The following PTPRN variants were observed in gnomAD, a reference collection of about 807,000 sequenced individuals.
PTPRN encodes receptor-type tyrosine-protein phosphatase-like N.
In PTPRN, 70 loss-of-function variants were observed where a neutral mutation model predicts 108.5. The ratio of observed to expected loss-of-function variants is 0.65; its 90% CI spans 0.53 to 0.79. PTPRN has a LOEUF of 0.79. Ranked by LOEUF, PTPRN falls within the 30% of genes least tolerant of loss-of-function variation. The probability of loss-of-function intolerance (pLI) is 0.00; values close to 1 mark genes in which losing one functional copy is unlikely to be tolerated. For synonymous variants in PTPRN, 496 were observed against 524.6 expected (o/e 0.95, Z 0.75); for missense variants, 1,136 against 1,295.5 (o/e 0.88, Z 1.89).
chr2:219,291,414 C>T, intron 20 of PTPRN, 56 bp downstream of exon 20: 3 of 1,569,182 alleles, frequency 1.9e-6, no homozygotes, highest in Non-Finnish European at 1.8e-6. Flanking sequence ...AGGCAATGTG[C>T]ACAGGAGACG....
rs1952167688 is a variant in PTPRN, at chr2:219,295,456, ATTC to A, written c.2509-318_2509-316del. The A allele has an allele frequency of 1.1e-5, 3 of 262,550 alleles. No individual in the cohort carries two copies. In the Admixed American group the frequency reaches 1.7e-4, roughly 15 times the overall value. The allele number at this position is 262,550 out of a possible 1,614,324, so 16.3% of individuals were successfully genotyped here. A position where few individuals can be genotyped will look rare whatever the true frequency, so the allele number is the denominator to read the frequency against. On this transcript the variant is annotated intron_variant, in intron 18 of 22. Coordinates refer to ENST00000295718, the MANE Select transcript of PTPRN (RefSeq NM_002846.4). ...ATAAACTTGGATGAAATTCTGTAGTATTCTTACTGGATTTTTTTCGTTAACCAC... is the reference window on the plus strand; with the variant it reads ...ATAAACTTGGATGAAATTCTGTAGTATTACTGGATTTTTTTCGTTAACCAC...
In PTPRN at chr2:219,302,408, A is replaced by G. The variant is rs200681535; in HGVS notation, c.723T>C (p.Pro241=). Residue 241 remains proline, a synonymous_variant, in exon 6 of 23, where the codon CCT becomes CCC. Coordinates refer to ENST00000295718, the MANE Select transcript of PTPRN (RefSeq NM_002846.4). ...TGGAGGCAGTTCTGCTGAAGAGGGC[A>G]GGGGCTTCAGCCTTGGGCAGGGGGC... ...SVGPLPKAEA[P]ALFSRTASKG... is the part of the protein sequence containing the mutation. 2.0e-5 allele frequency: 32 copies of G among 1,614,032 alleles called. No individual in the cohort carries two copies. The highest frequency in any genetic ancestry group is 2.5e-5 in the Non-Finnish European group (30 of 1,179,986).
chr2:219,309,093 G>C (rs1217877885), intron 1 of PTPRN, 125 bp downstream of exon 1: 1 of 1,490,258 alleles, frequency 6.7e-7, no homozygotes, highest in South Asian at 1.2e-5. Context: ...CATCTCGCAT[G>C]CCTCCCCCAA....
At chr2:219,309,164 G>T in intron 1 of PTPRN, 54 bp downstream of exon 1, 1 of 1,449,226 alleles carries the variant, frequency 6.9e-7, no homozygotes. Flanking sequence ...TTCGCTCCAG[G>T]CCCCAAGCTG....
rs1952275956 is a variant in PTPRN at position 219,299,098 on chromosome 2, A to G, written c.1617T>C (p.Ser539=). 1 of 1,614,240 alleles carries G rather than the reference A, an allele frequency of 6.2e-7. No homozygotes were observed. Among genetic ancestry groups the G allele is most frequent in the Non-Finnish European group, 8.5e-7 (1 of 1,180,038 alleles). ...DVTQQAGLVK[S]ELEAQTGLQI... is the part of the protein sequence containing the mutation. ...GGAGCCCTGTCTGTGCTTCCAGTTC[A>G]GACTTCACCAGCCCTGCAGGGAGGA... Residue 539 remains serine, a synonymous_variant, in exon 12 of 23, where the codon TCT becomes TCC. Coordinates refer to ENST00000295718, the MANE Select transcript of PTPRN (RefSeq NM_002846.4).
chr2:219,294,785 G>A (rs1432693512), intron 19 of PTPRN, among the ~76,000 whole-genome samples, 190 bp downstream of exon 19: 3 of 152,052 alleles, frequency 2.0e-5, no homozygotes, highest in African/African-American at 4.8e-5. Flanking sequence ...GGGTGGTGGA[G>A]GCTCGGGGAA....
Position 219,302,345 on chromosome 2 carries a change from C to T in PTPRN, c.786G>A (p.Gly262=), listed in dbSNP as rs773388693. 20 of 1,613,682 alleles carry T rather than the reference C, an allele frequency of 1.2e-5. No individual in the cohort carries two copies. Among genetic ancestry groups the T allele is most frequent in the Non-Finnish European group, 1.6e-5 (19 of 1,179,772 alleles). The change falls in exon 6 of 23, where the codon GGG becomes GGA. Residue 262 remains glycine (G), a synonymous_variant. Coordinates refer to ENST00000295718, the MANE Select transcript of PTPRN (RefSeq NM_002846.4). ...GGGCAGGTGAAGGCCCTGGAAGGTC[C>T]CCGTAGGAGTGGCCAGGGTGGTCCC... ...IFGDHPGHSY[G]DLPGPSPAQL... is the part of the protein sequence containing the mutation.
At chr2:219,303,172 G>A (rs752676664) in intron 4 of PTPRN, among the ~76,000 whole-genome samples, 6 of 152,190 alleles carry the variant, frequency 3.9e-5, no homozygotes, top group East Asian at 1.9e-4. Context: ...AACTGTGGCT[G>A]CAGCTGTCCC....
chr2:219,290,067 C>T lies in PTPRN; in HGVS notation c.*159G>A, dbSNP rs1262522552. 1.2e-5 allele frequency: 8 copies of T among 685,798 alleles called. No homozygotes were observed. Among genetic ancestry groups the T allele is most frequent in the Non-Finnish European group, 2.0e-5 (8 of 395,070 alleles). 42.5% of individuals were successfully genotyped at this position (685,798 alleles called of 1,614,324 possible). A position where few individuals can be genotyped will look rare whatever the true frequency, so the allele number is the denominator to read the frequency against. ...CCAGGCTCTGGCATGCGAGGCTGGG[C>T]AGGCGTGCCCCTTCTGGCTTTCCCT... is the stretch of plus-strand genomic sequence containing the variant. On this transcript the variant is annotated 3_prime_UTR_variant, in exon 23 of 23. Transcript: ENST00000295718. This position sits in a 1 kb window ranked among gnomAD's most constrained non-coding sequence, Gnocchi z 4.2.
At position 219,295,133 on chromosome 2, in the gene PTPRN, C is replaced by G. The variant is rs2125090495; in HGVS notation, c.2517G>C (p.Leu839=). 1.2e-6 allele frequency: 2 copies of G among 1,610,188 alleles called. No individual in the cohort carries two copies. Among genetic ancestry groups the G allele is most frequent in the South Asian group, 2.2e-5 (2 of 90,502 alleles). ...ASLYHVYEVN[L]VSEHIWCEDF... is the part of the protein sequence containing the mutation. ...CCTCGCACCAGATGTGCTCCGACAC[C>G]AGGTTCACCTGCCCGGCAGGGGCCC... Residue 839 remains leucine (L), a synonymous_variant, in exon 19 of 23, where the codon CTG becomes CTC. Transcript: ENST00000295718.
chr2:219,304,011 G>T, intron 3 of PTPRN, 180 bp from the exon 4 acceptor site: 1 of 469,180 alleles, frequency 2.1e-6, no homozygotes, highest in Non-Finnish European at 3.8e-6. Context: ...AGCTATTGGA[G>T]CCAGACCACC....
At chr2:219,303,707 G>T in intron 4 of PTPRN, 28 bp downstream of exon 4, 5 of 1,581,478 alleles carry the variant, frequency 3.2e-6, no homozygotes, top group Non-Finnish European at 4.3e-6. Flanking sequence ...CCTCACCATT[G>T]CTAGAGTTGT....
rs573411613 is a variant in PTPRN, at chr2:219,297,242, G to C, written c.2079C>G (p.His693Gln). ...AQANMDISTG[H>Q]MILAYMEDHL... Reference sequence around the variant, plus strand: ...CAGGCCCTGTCCTGACCAGAATCATGTGTCCCGTGGAGATGTCCATGTTGG... The same window carrying C: ...CAGGCCCTGTCCTGACCAGAATCATCTGTCCCGTGGAGATGTCCATGTTGG... Residue 693 changes from histidine to glutamine, a missense_variant, in exon 14 of 23, where the codon CAC (histidine) becomes CAG (glutamine). Transcript: ENST00000295718. The surrounding 1 kb of genome is among the most constrained non-coding windows in gnomAD (Gnocchi z 6.0). 1.9e-6 allele frequency: 3 copies of C among 1,613,934 alleles called. No homozygotes were observed. Among genetic ancestry groups the C allele is most frequent in the Admixed American group, 3.3e-5 (2 of 60,020 alleles).
At position 219,295,132 on chromosome 2, in the gene PTPRN, C is replaced by CGGG. The variant is rs766454708; in HGVS notation, c.2517_2518insCCC (p.Leu839_Val840insPro). On this transcript the variant is annotated inframe_insertion, in exon 19 of 23. Transcript: ENST00000295718. Reference sequence around the variant, plus strand: ...TCCTCGCACCAGATGTGCTCCGACACCAGGTTCACCTGCCCGGCAGGGGCC... The same window carrying CGGG: ...TCCTCGCACCAGATGTGCTCCGACACGGGCAGGTTCACCTGCCCGGCAGGGGCC... 3 of 1,610,316 alleles carry CGGG rather than the reference C, an allele frequency of 1.9e-6. No homozygotes were observed. The highest frequency in any genetic ancestry group is 2.5e-6 in the Non-Finnish European group (3 of 1,178,364).
chr2:219,299,898 C>T (rs1294451497), intron 9 of PTPRN, 87 bp downstream of exon 9: 57 of 1,578,918 alleles, frequency 3.6e-5, no homozygotes, highest in East Asian at 9.0e-5. Flanking sequence ...TGTCCCTGCA[C>T]GTCTGGATTT....
rs532339971 is a variant in PTPRN at position 219,291,594 on chromosome 2, C to T, written c.2676-71G>A. 9.4e-5 allele frequency: 137 copies of T among 1,452,776 alleles called. 2 individuals carry two copies. The South Asian group carries it at 1.3e-3, about 13-fold the overall frequency. 90.0% of individuals were successfully genotyped at this position (1,452,776 alleles called of 1,614,324 possible). ...GGGAAAGGGAAGCTGAAACACATGA[C>T]GTGGGCCTCTCTTTCTTCCTTTTCT... On this transcript the variant is annotated intron_variant, in intron 19 of 22. Transcript: ENST00000295718.
chr2:219,307,659 T>A, intron 2 of PTPRN, 102 bp from the exon 3 acceptor site: 1 of 1,444,258 alleles, frequency 6.9e-7, no homozygotes, highest in Non-Finnish European at 9.7e-7. Flanking sequence ...CCCCTACCTC[T>A]CCTCCTCCAG....
chr2:219,300,389 C>T, intron 8 of PTPRN, 130 bp from the exon 9 acceptor site: 2 of 968,648 alleles, frequency 2.1e-6, no homozygotes, highest in South Asian at 3.7e-5. Flanking sequence ...CACTGCAGTG[C>T]TGGGTACAGA....
In PTPRN at chr2:219,290,560, C is replaced by T. The variant is rs1401946958; in HGVS notation, c.2846G>A (p.Arg949Gln). 6 of 1,551,602 alleles carry T rather than the reference C, an allele frequency of 3.9e-6. No individual in the cohort carries two copies. Among genetic ancestry groups the T allele is most frequent in the East Asian group, 2.4e-5 (1 of 40,930 alleles). Reference protein sequence around the residue: ...AATLEHVRDQRPGLVRSKDQF... With the variant: ...AATLEHVRDQQPGLVRSKDQF... ...CACCTTAGAGCGGACAAGGCCAGGCCGCTGGTCACGGACATGCTCCAGGGT... is the reference window on the plus strand; with the variant it reads ...CACCTTAGAGCGGACAAGGCCAGGCTGCTGGTCACGGACATGCTCCAGGGT... Residue 949 changes from arginine to glutamine, a missense_variant, in exon 22 of 23, where the codon CGG becomes CAG. Transcript: ENST00000295718. The surrounding 1 kb of genome is among the most constrained non-coding windows in gnomAD (Gnocchi z 4.2).
Sources: gnomAD v4.1 joint callset for allele counts (sites outside exome capture counted in the v4.1 genomes callset) on GRCh38, gnomAD v4.1.1 for gene constraint, Gnocchi (gnomAD v3.1) non-coding constraint, MANE v1.5 for transcripts, NCBI Gene and HGNC (gene_info 2026-07-23, HGNC 2026-07-21) for gene names.